The following BCAS3 variants were observed in gnomAD, a reference collection of about 807,000 sequenced individuals.
The protein encoded by BCAS3 is BCAS3 microtubule associated cell migration factor.
In BCAS3, 53 loss-of-function variants were observed where a neutral mutation model predicts 116.1. That is an observed-to-expected ratio of 0.46 (90% CI 0.37 to 0.57). BCAS3 has a LOEUF of 0.57. Among genes scored for constraint, BCAS3 ranks in the 20% least tolerant of loss-of-function variants. The probability of loss-of-function intolerance (pLI) is 0.00; values close to 1 mark genes in which losing one functional copy is unlikely to be tolerated. For synonymous variants in BCAS3, 391 were observed against 408.2 expected (o/e 0.96, Z 0.51); for missense variants, 917 against 1,165.4 (o/e 0.79, Z 3.10).
At chr17:61,293,962 C>T (rs1472568969) in intron 22 of BCAS3, among the ~76,000 whole-genome samples, 1 of 152,128 alleles carries the variant, frequency 6.6e-6, no homozygotes, top group Non-Finnish European at 1.5e-5. Flanking sequence ...GAGGTTTCAC[C>T]ATGTTGGCCA....
At chr17:60,924,305 T>C (rs1445575392) in intron 12 of BCAS3, 102 bp from the exon 13 acceptor site, 7 of 895,762 alleles carry the variant, frequency 7.8e-6, no homozygotes, top group Non-Finnish European at 9.1e-6. Flanking sequence ...AGTGGAAACA[T>C]GTTATTTGGT....
At position 61,282,975 on chromosome 17, in the gene BCAS3, T is replaced by A. The variant is rs2051367473; in HGVS notation, c.2426-85352T>A. On this transcript the variant is annotated intron_variant, in intron 22 of 23. Transcript: ENST00000407086. This position sits in a 1 kb window ranked among gnomAD's most constrained non-coding sequence, Gnocchi z 5.9. ...CATATTTTATATTTTTATATATAAA[T>A]TTTTTTCACTGTGATTTTCCCCCTT... Among the ~76,000 whole-genome samples, 1 of 150,650 alleles carries A rather than the reference T, an allele frequency of 6.6e-6. No individual in the cohort carries two copies. The highest frequency in any genetic ancestry group is 2.1e-4 in the South Asian group (1 of 4,822).
chr17:60,909,443 A>C (rs2058370680), intron 11 of BCAS3, among the ~76,000 whole-genome samples: 1 of 152,130 alleles, frequency 6.6e-6, no homozygotes, highest in African/African-American at 2.4e-5. Context: ...AAAGATAGTC[A>C]CCTCATTGAA....
chr17:61,007,819 G>A lies in BCAS3; in HGVS notation c.1487-7932G>A, dbSNP rs1037864693. Among the ~76,000 whole-genome samples the A allele has an allele frequency of 3.9e-5, 6 of 151,934 alleles. No individual in the cohort carries two copies. Among genetic ancestry groups the A allele is most frequent in the Non-Finnish European group, 7.4e-5 (5 of 67,990 alleles). On this transcript the variant is annotated intron_variant, in intron 15 of 23. Coordinates refer to ENST00000407086, the MANE Select transcript of BCAS3 (RefSeq NM_017679.5). The surrounding 1 kb of genome is among the most constrained non-coding windows in gnomAD (Gnocchi z 4.3). Reference sequence around the variant, plus strand: ...TCAAAGTACCTACAGTAATGTCTATGGTGACGTGAACTTTTTACTCAAAGA... The same window carrying A: ...TCAAAGTACCTACAGTAATGTCTATAGTGACGTGAACTTTTTACTCAAAGA...
intron 14 of BCAS3, among the ~76,000 whole-genome samples, chr17:60,954,627 G>T (rs554745526): frequency 6.6e-6 from 1 of 152,242 alleles, no homozygotes; most frequent in South Asian, 2.1e-4. Context: ...CATTAACACA[G>T]TGTCTTTTCT....
At chr17:60,726,698 A>C (rs148559398) in intron 5 of BCAS3, among the ~76,000 whole-genome samples, 1 of 151,728 alleles carries the variant, frequency 6.6e-6, no homozygotes, top group African/African-American at 2.4e-5. Context: ...TTTAGTAGAC[A>C]TGGGGTTTCA....
At position 61,004,284 on chromosome 17, in the gene BCAS3, G is replaced by A. The variant is rs2064489480; in HGVS notation, c.1487-11467G>A. 6.6e-6 allele frequency among the ~76,000 whole-genome samples: 1 copy of A among 152,054 alleles called. No homozygotes were observed. Among genetic ancestry groups the A allele is most frequent in the South Asian group, 2.1e-4 (1 of 4,826 alleles). On this transcript the variant is annotated intron_variant, in intron 15 of 23. Transcript: ENST00000407086. The surrounding 1 kb of genome is among the most constrained non-coding windows in gnomAD (Gnocchi z 4.8). ...AAAAACTACTTATTCAGATAAAGAA[G>A]TGCAAATGGGTAGAACAACAAATTT...
rs2076374692 is a variant in BCAS3 at position 61,132,147 on chromosome 17, C to G, written c.2425+47583C>G. On this transcript the variant is annotated intron_variant, in intron 22 of 23. Transcript: ENST00000407086. This position sits in a 1 kb window ranked among gnomAD's most constrained non-coding sequence, Gnocchi z 5.1. ...TTTCTCAGATCATTAAATCACACTTCTGGTTTTTTCCAGTGATTTTTACTA... is the reference window on the plus strand; with the variant it reads ...TTTCTCAGATCATTAAATCACACTTGTGGTTTTTTCCAGTGATTTTTACTA... Among the ~76,000 whole-genome samples, 2 of 152,204 alleles carry G rather than the reference C, an allele frequency of 1.3e-5. No homozygotes were observed. Among genetic ancestry groups the G allele is most frequent in the Non-Finnish European group, 2.9e-5 (2 of 68,032 alleles).
At position 60,841,109 on chromosome 17, in the gene BCAS3, CTTAAT is replaced by C. The variant is rs1274248025; in HGVS notation, c.477-27463_477-27459del. Among the ~76,000 whole-genome samples the C allele has an allele frequency of 3.9e-5, 6 of 151,906 alleles. No homozygotes were observed. The East Asian group carries it at 7.7e-4, about 20-fold the overall frequency. ...TTCATATACTACTTTAAGTAAGGAA[CTTAAT>C]TTAGTAGATTTAAATGTAGCATATA... On this transcript the variant is annotated intron_variant, in intron 7 of 23. Coordinates refer to ENST00000407086, the MANE Select transcript of BCAS3 (RefSeq NM_017679.5).
At chr17:60,681,806 C>T (rs760212582) in intron 2 of BCAS3, among the ~76,000 whole-genome samples, 8 of 150,530 alleles carry the variant, frequency 5.3e-5, no homozygotes, top group Non-Finnish European at 8.9e-5. Context: ...CTCGGCTCAC[C>T]GCAACCTCCG....
intron 7 of BCAS3, among the ~76,000 whole-genome samples, chr17:60,858,701 C>CA (rs2053892673): frequency 6.6e-6 from 1 of 152,102 alleles, no homozygotes; most frequent in Non-Finnish European, 1.5e-5. Flanking sequence ...TTTTGCGTCT[C>CA]CAGCAGTAAT....
intron 22 of BCAS3, among the ~76,000 whole-genome samples, chr17:61,225,174 T>TC (rs1475204613): frequency 2.0e-5 from 3 of 151,714 alleles, no homozygotes. Context: ...TTTTTTTTTT[T>TC]TAAAGAAATA....
chr17:60,825,163 C>G (rs1436706934), intron 7 of BCAS3, among the ~76,000 whole-genome samples: 2 of 143,140 alleles, frequency 1.4e-5, no homozygotes, highest in Non-Finnish European at 3.0e-5. Flanking sequence ...GAGAACCTGT[C>G]TCAAAAAAAA....
intron 12 of BCAS3, among the ~76,000 whole-genome samples, chr17:60,919,365 C>A (rs1198809476): frequency 6.6e-6 from 1 of 152,084 alleles, no homozygotes; most frequent in Non-Finnish European, 1.5e-5. Context: ...GGTCTGTTGC[C>A]AGGTTGGAGT....
intron 19 of BCAS3, among the ~76,000 whole-genome samples, chr17:61,059,282 C>G (rs180974950): frequency 1.2e-3 from 181 of 151,832 alleles, no homozygotes; most frequent in Non-Finnish European, 1.9e-3. Flanking sequence ...TGGGGTTTCA[C>G]TGTGTTAGCC....
intron 7 of BCAS3, among the ~76,000 whole-genome samples, chr17:60,830,662 A>G (rs1242897380): frequency 6.6e-6 from 1 of 152,156 alleles, no homozygotes; most frequent in Admixed American, 6.5e-5. Context: ...AAGATTTAGA[A>G]AAACTCCTTT....
At chr17:60,703,641 G>C (rs1320287829) in intron 4 of BCAS3, among the ~76,000 whole-genome samples, 6 of 152,014 alleles carry the variant, frequency 3.9e-5, no homozygotes, top group African/African-American at 7.2e-5. Flanking sequence ...CTAGCCGGGC[G>C]CGGTGGCTCA....
intron 19 of BCAS3, among the ~76,000 whole-genome samples, chr17:61,060,659 T>C (rs996232958): frequency 3.9e-5 from 6 of 151,944 alleles, no homozygotes; most frequent in Non-Finnish European, 5.9e-5. Flanking sequence ...TAAAATAGTT[T>C]TTAAAAAAAT....
intron 22 of BCAS3, chr17:61,353,701 C>T (rs2057994927): frequency 6.6e-6 from 1 of 152,256 alleles, no homozygotes; most frequent in Non-Finnish European, 1.5e-5. Context: ...CCTCGTTGCT[C>T]ACCCTGTGTG....
Sources: gnomAD v4.1 joint callset for allele counts (sites outside exome capture counted in the v4.1 genomes callset) on GRCh38, gnomAD v4.1.1 for gene constraint, Gnocchi (gnomAD v3.1) non-coding constraint, MANE v1.5 for transcripts, NCBI Gene and HGNC (gene_info 2026-07-23, HGNC 2026-07-21) for gene names.